Variants in GALNT10 observed in about 807,000 individuals in gnomAD.
GALNT10 encodes polypeptide N-acetylgalactosaminyltransferase 10.
In GALNT10, 41 loss-of-function variants were observed where a neutral mutation model predicts 75.0. The ratio of observed to expected loss-of-function variants is 0.55; its 90% CI spans 0.43 to 0.71. GALNT10 has a LOEUF of 0.71. Ranked by LOEUF, GALNT10 falls within the 30% of genes least tolerant of loss-of-function variation. The pLI, the probability that GALNT10 is intolerant of heterozygous loss-of-function variation, is 0.00. For synonymous variants in GALNT10, 302 were observed against 313.0 expected, an observed-to-expected ratio of 0.96 and a Z score of 0.37; for missense variants, 727 against 818.5, an observed-to-expected ratio of 0.89 and a Z score of 1.36.
intron 1 of GALNT10, among the ~76,000 whole-genome samples, chr5:154,267,118 T>C (rs1008683374): frequency 1.3e-5 from 2 of 152,162 alleles, no homozygotes; most frequent in African/African-American, 2.4e-5. Flanking sequence ...CCAAACTATT[T>C]AGAGAAGACA....
In GALNT10 at chr5:154,404,209, C is replaced by A; in HGVS notation, c.1162C>A (p.Arg388=). The change falls in exon 8 of 12, where the codon CGG becomes AGG. Residue 388 remains arginine, a splice_region_variant and synonymous_variant. Coordinates refer to ENST00000297107, the MANE Select transcript of GALNT10 (RefSeq NM_198321.4). The part of the protein sequence containing the change: ...YKVPAGVSLA[R]NLKRVAEVWM... ...GGTCCCGGCCGGAGTCAGCCTGGCCCGGGTAAGGTGGTGGCTTTCCTTGGC... is the reference window on the plus strand; with the variant it reads ...GGTCCCGGCCGGAGTCAGCCTGGCCAGGGTAAGGTGGTGGCTTTCCTTGGC... The A allele has an allele frequency of 6.3e-7, 1 of 1,582,674 alleles. No individual in the cohort carries two copies. The highest frequency in any genetic ancestry group is 8.6e-7 in the Non-Finnish European group (1 of 1,161,392).
chr5:154,399,360 C>T (rs934420250), intron 7 of GALNT10, among the ~76,000 whole-genome samples: 2 of 152,212 alleles, frequency 1.3e-5, no homozygotes, highest in African/African-American at 4.8e-5. Flanking sequence ...GATCCTGTCT[C>T]TCCGTGGCAG....
chr5:154,380,812 C>CA (rs1239319445), intron 6 of GALNT10, among the ~76,000 whole-genome samples, 181 bp downstream of exon 6: 21 of 152,140 alleles, frequency 1.4e-4, no homozygotes. Flanking sequence ...CAGCTTGTAA[C>CA]AACCTCAGCT....
chr5:154,229,660 G>C (rs556337278), intron 1 of GALNT10, among the ~76,000 whole-genome samples: 1 of 152,132 alleles, frequency 6.6e-6, no homozygotes, highest in African/African-American at 2.4e-5. Flanking sequence ...GTGAACCCAG[G>C]AGGCGCACCT....
Position 154,298,154 on chromosome 5 carries a change from C to T in GALNT10, c.401+75C>T. ...TGTTGTTGAGAATTAATTAAGGAAG[C>T]AGGTACATGGAGCCCTGCTGACGGA... On this transcript the variant is annotated intron_variant, in intron 3 of 11. Transcript: ENST00000297107. This position sits in a 1 kb window ranked among gnomAD's most constrained non-coding sequence, Gnocchi z 4.1. 2 of 1,383,300 alleles carry T rather than the reference C, an allele frequency of 1.4e-6. No homozygotes were observed. The highest frequency in any genetic ancestry group is 2.0e-6 in the Non-Finnish European group (2 of 987,250). 85.7% of individuals were successfully genotyped at this position (1,383,300 alleles called of 1,614,324 possible). A position where few individuals can be genotyped will look rare whatever the true frequency, so the allele number is the denominator to read the frequency against.
At chr5:154,337,951 C>A in intron 4 of GALNT10, 5 of 1,572,618 alleles carry the variant, frequency 3.2e-6, no homozygotes, top group Non-Finnish European at 4.3e-6. Flanking sequence ...ACAGTCTTAT[C>A]CACGGAGTCA....
At chr5:154,353,017 C>T (rs1755233184) in intron 4 of GALNT10, among the ~76,000 whole-genome samples, 1 of 152,194 alleles carries the variant, frequency 6.6e-6, no homozygotes, top group South Asian at 2.1e-4. Context: ...TCTCTGATAA[C>T]TGCCCACTCC....
intron 4 of GALNT10, among the ~76,000 whole-genome samples, chr5:154,357,656 T>C (rs1755317075): frequency 1.3e-5 from 2 of 152,198 alleles, no homozygotes; most frequent in Non-Finnish European, 2.9e-5. Context: ...TCTCCAGTTC[T>C]CCTGATATCA....
At chr5:154,371,861 C>T (rs1019015339) in intron 4 of GALNT10, among the ~76,000 whole-genome samples, 3 of 152,108 alleles carry the variant, frequency 2.0e-5, no homozygotes, top group African/African-American at 7.2e-5. Context: ...GGCAGAGGAA[C>T]AAGAGTTACA....
intron 1 of GALNT10, among the ~76,000 whole-genome samples, chr5:154,283,158 G>A (rs571223571): frequency 1.3e-4 from 20 of 152,012 alleles, no homozygotes; most frequent in African/African-American, 4.6e-4. Context: ...ATAAGAACAA[G>A]AGAGGCTGGG....
At chr5:154,377,255 G>C (rs548239926) in intron 5 of GALNT10, among the ~76,000 whole-genome samples, 5 of 152,190 alleles carry the variant, frequency 3.3e-5, no homozygotes, top group Non-Finnish European at 7.3e-5. Context: ...CTGGTGCTGA[G>C]AGGCAGACAT....
At chr5:154,246,726 T>C (rs1240447047) in intron 1 of GALNT10, among the ~76,000 whole-genome samples, 1 of 152,204 alleles carries the variant, frequency 6.6e-6, no homozygotes, top group Non-Finnish European at 1.5e-5. Context: ...GTCAGATGAG[T>C]AGATTGCAAA....
intron 3 of GALNT10, among the ~76,000 whole-genome samples, chr5:154,321,665 G>C (rs755581659): frequency 3.9e-5 from 6 of 152,094 alleles, no homozygotes; most frequent in Non-Finnish European, 5.9e-5. Context: ...CCCTTCCCTT[G>C]ATGCTTTTTA....
At chr5:154,335,045 T>C (rs962142498) in intron 4 of GALNT10, among the ~76,000 whole-genome samples, 1 of 152,238 alleles carries the variant, frequency 6.6e-6, no homozygotes, top group Non-Finnish European at 1.5e-5. Context: ...TCCCCATTTC[T>C]TGTCTTCTCT....
chr5:154,339,783 G>A (rs917580571), intron 4 of GALNT10, among the ~76,000 whole-genome samples: 1 of 152,176 alleles, frequency 6.6e-6, no homozygotes, highest in African/African-American at 2.4e-5. Context: ...TTCTTATGAG[G>A]ATTAAAGTCT....
intron 4 of GALNT10, 60 bp downstream of exon 4, chr5:154,329,798 G>A (rs754988919): frequency 1.8e-5 from 23 of 1,266,904 alleles, no homozygotes; most frequent in Non-Finnish European, 2.6e-5. Flanking sequence ...CTCACCAAAG[G>A]GATGGCAGGT....
chr5:154,409,695 C>G lies in GALNT10; in HGVS notation c.1319C>G (p.Thr440Arg), dbSNP rs147745456. 2 of 1,614,000 alleles carry G rather than the reference C, an allele frequency of 1.2e-6. No individual in the cohort carries two copies. Among genetic ancestry groups the G allele is most frequent in the African/African-American group, 1.3e-5 (1 of 74,914 alleles). The part of the protein sequence containing the change: ...LNCKSFKWFM[T>R]KIAWDLPKFY... ...TGCAAGAGTTTCAAGTGGTTTATGA[C>G]GAAGATAGCCTGGGACCTGCCCAAA... Residue 440 changes from threonine (T) to arginine (R), a missense_variant, in exon 9 of 12, where the codon ACG becomes AGG. Physicochemically the swap from Thr to Arg is moderately conservative, Grantham distance 71 (BLOSUM62 -1). Coordinates refer to ENST00000297107, the MANE Select transcript of GALNT10 (RefSeq NM_198321.4). This position sits in a 1 kb window ranked among gnomAD's most constrained non-coding sequence, Gnocchi z 4.5.
At chr5:154,329,785 C>G in intron 4 of GALNT10, 47 bp downstream of exon 4, 1 of 1,425,660 alleles carries the variant, frequency 7.0e-7, no homozygotes, top group Non-Finnish European at 9.8e-7. Context: ...CTTCATCTGG[C>G]GACTCACCAA....
intron 1 of GALNT10, among the ~76,000 whole-genome samples, chr5:154,226,018 G>T (rs897736924): frequency 7.9e-5 from 12 of 151,806 alleles, no homozygotes; most frequent in African/African-American, 2.9e-4. Context: ...AGCATTAGGA[G>T]ATATACCTAA....
Sources: gnomAD v4.1 joint callset for allele counts (sites outside exome capture counted in the v4.1 genomes callset) on GRCh38, gnomAD v4.1.1 for gene constraint, Gnocchi (gnomAD v3.1) non-coding constraint, MANE v1.5 for transcripts, NCBI Gene and HGNC (gene_info 2026-07-23, HGNC 2026-07-21) for gene names.